The following GGTA1 variants were observed in gnomAD, a reference collection of about 807,000 sequenced individuals.
GGTA1 encodes the protein glycoprotein alpha-galactosyltransferase 1 (inactive).
A neutral mutation model predicts 2.6 loss-of-function variants in GGTA1; 5 were observed. The ratio of observed to expected loss-of-function variants is 1.92; its 90% confidence interval spans 1.00 to 4.04. The LOEUF is 4.04. Among genes scored for constraint, GGTA1 ranks in the 30% most tolerant of loss-of-function variants. The pLI, the probability that GGTA1 is intolerant of heterozygous loss-of-function variation, is 0.00. For synonymous variants in GGTA1, 17 were observed against 5.0 expected (o/e 3.38, Z -3.19); for missense variants, 50 against 16.7 (o/e 2.99, Z -3.47).
intron 1 of GGTA1, among the ~76,000 whole-genome samples, chr9:121,481,736 C>A (rs1828657768): frequency 6.8e-6 from 1 of 146,742 alleles, no homozygotes; most frequent in South Asian, 2.2e-4. Flanking sequence ...GTGGCTCACA[C>A]TTGTAATCCC....
chr9:121,462,143 G>A (rs1374145115), intron 3 of GGTA1, among the ~76,000 whole-genome samples: 2 of 152,204 alleles, frequency 1.3e-5, no homozygotes, highest in African/African-American at 2.4e-5. Context: ...GGCCAACACA[G>A]TGAAACCCCA....
chr9:121,445,729 C>T (rs1413868200), exon 8 of GGTA1: 1 of 152,148 alleles, frequency 6.6e-6, no homozygotes, highest in Non-Finnish European at 1.5e-5. Context: ...CCAAGTATGT[C>T]TAATTATTAC....
intron 1 of GGTA1, among the ~76,000 whole-genome samples, chr9:121,496,863 C>CA (rs753297185): frequency 4.6e-4 from 68 of 146,770 alleles, no homozygotes; most frequent in African/African-American, 1.6e-3. Context: ...CTCAAACAAA[C>CA]AAAAAAAAGA....
chr9:121,462,138 AC>A (rs1350769346), intron 3 of GGTA1, among the ~76,000 whole-genome samples: 2 of 152,234 alleles, frequency 1.3e-5, no homozygotes, highest in Non-Finnish European at 2.9e-5. Flanking sequence ...AGCCTGGCCA[AC>A]ACAGTGAAAC....
intron 5 of GGTA1, among the ~76,000 whole-genome samples, chr9:121,459,582 C>T (rs2064942865): frequency 6.6e-6 from 1 of 152,214 alleles, no homozygotes; most frequent in Non-Finnish European, 1.5e-5. Flanking sequence ...GTCCCATAAG[C>T]ACCTGCATCC....
chr9:121,458,319 C>T (rs894473697), intron 5 of GGTA1, among the ~76,000 whole-genome samples: 2 of 151,958 alleles, frequency 1.3e-5, no homozygotes, highest in Non-Finnish European at 2.9e-5. Context: ...CCACTTCAAA[C>T]CAACATTCTT....
chr9:121,493,544 T>C (rs987516631), intron 1 of GGTA1, among the ~76,000 whole-genome samples: 2 of 152,180 alleles, frequency 1.3e-5, no homozygotes, highest in African/African-American at 4.8e-5. Context: ...TCTGAAACTA[T>C]GCATCAGTGT....
chr9:121,463,095 G>A (rs1437519150), intron 3 of GGTA1, 198 bp downstream of exon 3: 2 of 316,554 alleles, frequency 6.3e-6, no homozygotes, highest in African/African-American at 4.5e-5. Flanking sequence ...CTGAGGGCAA[G>A]ATACAAGCCA....
rs899130691 is a variant in GGTA1, at chr9:121,455,617, AT to A, written c.*219del. On this transcript the variant is annotated 3_prime_UTR_variant, in exon 6 of 6. Coordinates refer to ENST00000481799, the MANE Select transcript of GGTA1 (RefSeq NM_001382585.1). ...ATAAAAGACCCAACTGGAGTGTCTG[AT>A]CCCCTGACCCACATTTCCCAGTTCC... 1.5e-4 allele frequency: 30 copies of A among 194,380 alleles called. No individual in the cohort carries two copies. Among genetic ancestry groups the A allele is most frequent in the African/African-American group, 6.9e-4 (30 of 43,352 alleles). 12.0% of individuals were successfully genotyped at this position (194,380 alleles called of 1,614,324 possible).
chr9:121,463,988 C>T (rs2064982944), intron 2 of GGTA1, among the ~76,000 whole-genome samples: 2 of 152,200 alleles, frequency 1.3e-5, no homozygotes, highest in African/African-American at 4.8e-5. Context: ...CCTACAAGTG[C>T]TGCAGCCTAG....
rs531916465 is a variant in GGTA1, at chr9:121,463,285, G to A, written c.116+8C>T. 311 of 453,224 alleles carry A rather than the reference G, an allele frequency of 6.9e-4. 1 individual carries two copies. Among genetic ancestry groups the A allele is most frequent in the Admixed American group, 1.5e-3 (61 of 41,930 alleles). The allele number at this position is 453,224 out of a possible 1,614,324, so 28.1% of individuals were successfully genotyped here. On this transcript the variant is annotated splice_region_variant and intron_variant, in intron 3 of 5. Coordinates refer to ENST00000481799, the MANE Select transcript of GGTA1 (RefSeq NM_001382585.1). ...ATCCCCTAGAAATCTAGAATTCAAA[G>A]CACTTACTTTGAGTGATATATCCAC...
At chr9:121,471,697 T>A (rs1339559027) in intron 1 of GGTA1, among the ~76,000 whole-genome samples, 1 of 152,164 alleles carries the variant, frequency 6.6e-6, no homozygotes, top group East Asian at 1.9e-4. Flanking sequence ...GACCCTGAGA[T>A]GACGAGTTTG....
intron 5 of GGTA1, among the ~76,000 whole-genome samples, chr9:121,456,775 G>A (rs779023095): frequency 6.6e-6 from 1 of 152,134 alleles, no homozygotes; most frequent in Admixed American, 6.6e-5. Context: ...GAATATAGGT[G>A]ATCCTCCCAC....
rs1464857924 is a variant in GGTA1, at chr9:121,499,728, C to G, written c.-88G>C. Reference sequence around the variant, plus strand: ...CAGGACCGCGCCCAGCTCCCGGCCCCGGCGAAGCCCTACGCGCTCTGATCA... The same window carrying G: ...CAGGACCGCGCCCAGCTCCCGGCCCGGGCGAAGCCCTACGCGCTCTGATCA... On this transcript the variant is annotated 5_prime_UTR_variant, in exon 1 of 6. Transcript: ENST00000481799. The G allele has an allele frequency of 2.0e-5, 3 of 152,014 alleles. No individual in the cohort carries two copies. Among genetic ancestry groups the G allele is most frequent in the African/African-American group, 7.2e-5 (3 of 41,402 alleles). The allele number at this position is 152,014 out of a possible 1,614,324, so 9.4% of individuals were successfully genotyped here. A position where few individuals can be genotyped will look rare whatever the true frequency, so the allele number is the denominator to read the frequency against.
At chr9:121,498,272 C>A (rs1280761449) in intron 1 of GGTA1, among the ~76,000 whole-genome samples, 1 of 152,216 alleles carries the variant, frequency 6.6e-6, no homozygotes, top group Non-Finnish European at 1.5e-5. Flanking sequence ...CCTAGGGACT[C>A]GTTCAGCTCT....
exon 8 of GGTA1, chr9:121,447,146 A>T (rs1451136382): frequency 3.3e-5 from 5 of 152,586 alleles, no homozygotes; most frequent in Admixed American, 3.3e-4. Flanking sequence ...TGAGAACCTG[A>T]ATGGGTGTTC....
intron 1 of GGTA1, among the ~76,000 whole-genome samples, chr9:121,474,607 A>G (rs115528684): frequency 7.8e-4 from 119 of 152,252 alleles, no homozygotes; most frequent in African/African-American, 2.7e-3. Flanking sequence ...CCCTCTGAGA[A>G]TCTCACAGTT....
At chr9:121,465,324 C>A (rs9299275) in intron 2 of GGTA1, among the ~76,000 whole-genome samples, 43,973 of 152,106 alleles carry the variant, frequency 0.29, 6,698 homozygotes, top group Middle Eastern at 0.39. Flanking sequence ...CAGGCAGGAA[C>A]CCCAAAGGGT....
chr9:121,465,494 G>A lies in GGTA1; in HGVS notation c.81-2166C>T, dbSNP rs114878086. ...TATGTGGAGGCCCTGCCCTCAGTGCGATGATATTTGGAGGTGGGGCTTTTG... is the reference window on the plus strand; with the variant it reads ...TATGTGGAGGCCCTGCCCTCAGTGCAATGATATTTGGAGGTGGGGCTTTTG... On this transcript the variant is annotated intron_variant, in intron 2 of 5. Coordinates refer to ENST00000481799, the MANE Select transcript of GGTA1 (RefSeq NM_001382585.1). Among the ~76,000 whole-genome samples, 1,194 of 152,320 alleles carry A rather than the reference G, an allele frequency of 7.8e-3. 17 individuals carry two copies. The highest frequency in any genetic ancestry group is 0.027 in the African/African-American group (1,138 of 41,556).
Sources: gnomAD v4.1 joint callset for allele counts (sites outside exome capture counted in the v4.1 genomes callset) on GRCh38, gnomAD v4.1.1 for gene constraint, MANE v1.5 for transcripts, NCBI Gene and HGNC (gene_info 2026-07-23, HGNC 2026-07-21) for gene names.